The following ACTL8 variants were observed in gnomAD, a reference collection of about 807,000 sequenced individuals.
ACTL8 encodes the protein actin-like protein 8.
In ACTL8, 3 loss-of-function variants were observed where a neutral mutation model predicts 9.3. That is an observed-to-expected ratio of 0.32 (90% CI 0.15 to 0.83). The LOEUF (loss-of-function observed/expected upper bound fraction) is 0.83, where lower values mean the gene tolerates loss of function less well. Ranked by LOEUF, ACTL8 falls within the 40% of genes least tolerant of loss-of-function variation. The probability of loss-of-function intolerance (pLI) is 0.57; values close to 1 mark genes in which losing one functional copy is unlikely to be tolerated. For synonymous variants in ACTL8, 224 were observed against 205.9 expected, an observed-to-expected ratio of 1.09 and a Z score of -0.75; for missense variants, 381 against 492.2, an observed-to-expected ratio of 0.77 and a Z score of 2.14.
At chr1:17,802,811 C>T (rs1488708860) in intron 1 of ACTL8, among the ~76,000 whole-genome samples, 1 of 151,972 alleles carries the variant, frequency 6.6e-6, no homozygotes, top group Admixed American at 6.6e-5. Flanking sequence ...GGCGAAACCC[C>T]ATCTCTACTA....
At chr1:17,771,247 A>G (rs72927145) in intron 1 of ACTL8, among the ~76,000 whole-genome samples, 2,566 of 152,320 alleles carry the variant, frequency 0.017, 69 homozygotes, top group African/African-American at 0.058. Context: ...ATAGACACTG[A>G]AATTTGAATT....
intron 1 of ACTL8, among the ~76,000 whole-genome samples, chr1:17,809,354 A>T (rs1017896571): frequency 8.6e-5 from 13 of 151,990 alleles, no homozygotes; most frequent in African/African-American, 2.9e-4. Context: ...GCTAAATAAG[A>T]GTGATGAGAG....
chr1:17,768,552 C>T (rs111390989), intron 1 of ACTL8, among the ~76,000 whole-genome samples: 4 of 152,312 alleles, frequency 2.6e-5, no homozygotes, highest in African/African-American at 9.6e-5. Flanking sequence ...TGGAGGATAT[C>T]ATCAAATGGA....
chr1:17,810,488 A>C (rs945304536), intron 1 of ACTL8, among the ~76,000 whole-genome samples: 21 of 152,216 alleles, frequency 1.4e-4, no homozygotes, highest in Non-Finnish European at 1.8e-4. Flanking sequence ...CCCATATTCA[A>C]ATTTTACCAT....
intron 1 of ACTL8, among the ~76,000 whole-genome samples, chr1:17,813,595 A>G (rs986925576): frequency 1.3e-5 from 2 of 152,058 alleles, no homozygotes; most frequent in Non-Finnish European, 2.9e-5. Flanking sequence ...TTATTTTGTA[A>G]TATCTTTGCT....
chr1:17,806,363 A>G (rs1042174976), intron 1 of ACTL8, among the ~76,000 whole-genome samples: 8 of 152,100 alleles, frequency 5.3e-5, no homozygotes, highest in Admixed American at 4.6e-4. Flanking sequence ...CCTCATGCAA[A>G]TTTGATGTCT....
chr1:17,761,791 G>A (rs566103502), intron 1 of ACTL8, among the ~76,000 whole-genome samples: 2 of 152,220 alleles, frequency 1.3e-5, no homozygotes, highest in East Asian at 1.9e-4. Context: ...GGCTTGTCTC[G>A]AACTCCCGAC....
In ACTL8 at chr1:17,826,076, G is replaced by C. The variant is rs779794365; in HGVS notation, c.658G>C (p.Glu220Gln). 1.9e-6 allele frequency: 3 copies of C among 1,607,934 alleles called. No homozygotes were observed. In the Admixed American group the frequency reaches 5.0e-5, roughly 27 times the overall value. The part of the protein sequence containing the change: ...NKCYVPQNLG[E>Q]ALDFRERQQS... ...GTGCTACGTGCCGCAGAATCTGGGG[G>C]AGGCCCTGGACTTTCGTGAGAGGCA... Residue 220 changes from glutamate (E) to glutamine (Q), a missense_variant, in exon 3 of 3, where the codon GAG (glutamate) becomes CAG (glutamine). Coordinates refer to ENST00000375406, the MANE Select transcript of ACTL8 (RefSeq NM_030812.3). The surrounding 1 kb of genome is among the most constrained non-coding windows in gnomAD (Gnocchi z 4.5).
In ACTL8 at chr1:17,826,200, G is replaced by A. The variant is rs202116436; in HGVS notation, c.782G>A (p.Ser261Asn). Residue 261 changes from serine (S) to asparagine (N), a missense_variant, in exon 3 of 3, where the codon AGC becomes AAC. Coordinates refer to ENST00000375406, the MANE Select transcript of ACTL8 (RefSeq NM_030812.3). The surrounding 1 kb of genome is among the most constrained non-coding windows in gnomAD (Gnocchi z 4.5). ...MQRVAPEMFF[S>N]PQVFEQPGPS... Reference sequence around the variant, plus strand: ...CGGGTGGCTCCTGAGATGTTCTTTAGCCCGCAGGTGTTCGAGCAGCCGGGG... The same window carrying A: ...CGGGTGGCTCCTGAGATGTTCTTTAACCCGCAGGTGTTCGAGCAGCCGGGG... 6.2e-7 allele frequency: 1 copy of A among 1,613,218 alleles called. No homozygotes were observed. Among genetic ancestry groups the A allele is most frequent in the African/African-American group, 1.3e-5 (1 of 74,908 alleles).
At chr1:17,815,444 T>G (rs542152010) in intron 1 of ACTL8, among the ~76,000 whole-genome samples, 1 of 152,324 alleles carries the variant, frequency 6.6e-6, no homozygotes, top group East Asian at 1.9e-4. Context: ...GATATCTCTT[T>G]TCTTTCAGTC....
intron 1 of ACTL8, among the ~76,000 whole-genome samples, chr1:17,810,115 A>G (rs2066384212): frequency 6.6e-6 from 1 of 152,062 alleles, no homozygotes; most frequent in African/African-American, 2.4e-5. Context: ...TGCACAATCT[A>G]CTGTTGTCTT....
At chr1:17,808,169 G>C (rs1375123068) in intron 1 of ACTL8, among the ~76,000 whole-genome samples, 2 of 152,078 alleles carry the variant, frequency 1.3e-5, no homozygotes, top group Admixed American at 6.5e-5. Context: ...AATTCATAAG[G>C]GTCCCTGATG....
intron 2 of ACTL8, among the ~76,000 whole-genome samples, chr1:17,824,111 A>G (rs1383412641): frequency 7.2e-6 from 1 of 138,498 alleles, no homozygotes; most frequent in African/African-American, 2.6e-5. Context: ...AGGTGATTTC[A>G]GCAGCAAGAG....
Position 17,823,428 on chromosome 1 carries a change from C to A in ACTL8, c.348+72C>A. On this transcript the variant is annotated intron_variant, in intron 2 of 2. Coordinates refer to ENST00000375406, the MANE Select transcript of ACTL8 (RefSeq NM_030812.3). This position sits in a 1 kb window ranked among gnomAD's most constrained non-coding sequence, Gnocchi z 5.3. The stretch of plus-strand genomic sequence containing the variant: ...TGACACTATGTCTGGACTGATTGGG[C>A]ACCAGGAATTCTGCTTTTTAAGATA... The A allele has an allele frequency of 1.4e-6, 2 of 1,409,172 alleles. No homozygotes were observed. The highest frequency in any genetic ancestry group is 9.6e-7 in the Non-Finnish European group (1 of 1,043,330). The allele number at this position is 1,409,172 out of a possible 1,614,324, so 87.3% of individuals were successfully genotyped here.
intron 1 of ACTL8, among the ~76,000 whole-genome samples, chr1:17,797,041 T>G (rs986002754): frequency 2.0e-5 from 3 of 152,098 alleles, no homozygotes; most frequent in African/African-American, 7.2e-5. Context: ...CCTAGCATGG[T>G]GCTTCCTGGG....
At chr1:17,812,022 T>C (rs1165044825) in intron 1 of ACTL8, among the ~76,000 whole-genome samples, 3 of 151,464 alleles carry the variant, frequency 2.0e-5, no homozygotes, top group African/African-American at 4.9e-5. Flanking sequence ...CTAATTTTTT[T>C]ATTTTTTGTA....
In ACTL8 at chr1:17,815,118, C is replaced by A. The variant is rs562154674; in HGVS notation, c.-24-7867C>A. On this transcript the variant is annotated intron_variant, in intron 1 of 2. Transcript: ENST00000375406. The stretch of plus-strand genomic sequence containing the variant: ...AGTACAATAACATGCAGTACCAGTT[C>A]GTAGCTTAGGAGCAAATGGCTATAC... 3.9e-5 allele frequency among the ~76,000 whole-genome samples: 6 copies of A among 152,196 alleles called. No individual in the cohort carries two copies. The East Asian group carries it at 1.2e-3, about 29-fold the overall frequency.
intron 1 of ACTL8, among the ~76,000 whole-genome samples, chr1:17,766,753 A>G (rs1294344264): frequency 6.6e-6 from 1 of 152,232 alleles, no homozygotes; most frequent in Admixed American, 6.5e-5. Context: ...TAGTCTTCAG[A>G]GACCAAGCTT....
rs750342921 is a variant in ACTL8, at chr1:17,826,472, T to C, written c.1054T>C (p.Ser352Pro). 2.5e-6 allele frequency: 4 copies of C among 1,608,734 alleles called. No individual in the cohort carries two copies. The South Asian group carries it at 3.3e-5, about 13-fold the overall frequency. The part of the protein sequence containing the change: ...SVVAHLSTYQ[S>P]EWMSREEYGE... ...GGTGGCTCACCTTTCTACCTACCAG[T>C]CTGAGTGGATGTCCCGAGAGGAGTA... Residue 352 changes from serine to proline, a missense_variant, in exon 3 of 3, where the codon TCT becomes CCT. By Grantham distance (74) the Ser-to-Pro change is moderately conservative. Around this residue, in one of 3 missense-constraint regions of ACTL8, gnomAD observed 243 missense variants for 276.2 expected, o/e 0.88. Transcript: ENST00000375406. This position sits in a 1 kb window ranked among gnomAD's most constrained non-coding sequence, Gnocchi z 4.5.
Sources: gnomAD v4.1 joint callset for allele counts (sites outside exome capture counted in the v4.1 genomes callset) on GRCh38, gnomAD v4.1.1 for gene constraint, gnomAD v4.1.1 regional missense constraint, Gnocchi (gnomAD v3.1) non-coding constraint, MANE v1.5 for transcripts, NCBI Gene and HGNC (gene_info 2026-07-23, HGNC 2026-07-21) for gene names.